Variants in NUP155 observed in about 807,000 individuals in gnomAD.
NUP155 encodes nucleoporin 155, also known as nuclear pore complex protein Nup155.
In NUP155, 71 loss-of-function variants were observed where a neutral mutation model predicts 180.4. The observed-to-expected ratio is 0.39, with a 90% CI of 0.33 to 0.48. NUP155 has a LOEUF of 0.48. Among genes scored for constraint, NUP155 ranks in the 20% least tolerant of loss-of-function variants. NUP155 has a pLI of 0.91. For synonymous variants in NUP155, 582 were observed against 559.5 expected (o/e 1.04, Z -0.57); for missense variants, 1,553 against 1,648.9 (o/e 0.94, Z 1.01).
In NUP155 at chr5:37,292,982, G is replaced by A; in HGVS notation, c.3934C>T (p.Pro1312Ser). ...GGCTTCTTCATTCTGTTCCAGAATG[G>A]ATCCTATGAAGAAATATACATAATG... ...VYDQLFKSRD[P>S]FWNRMKKPLH... is the part of the protein sequence containing the mutation. Residue 1312 changes from proline (P) to serine (S), a missense_variant, in exon 34 of 35, where the codon CCA becomes TCA. Pro to Ser is a moderately conservative substitution (Grantham distance 74). Coordinates refer to ENST00000231498, the MANE Select transcript of NUP155 (RefSeq NM_153485.3). 1 of 1,578,806 alleles carries A rather than the reference G, an allele frequency of 6.3e-7. No homozygotes were observed. The highest frequency in any genetic ancestry group is 1.3e-5 in the African/African-American group (1 of 74,366).
intron 32 of NUP155, among the ~76,000 whole-genome samples, chr5:37,297,486 C>T (rs1742649593): frequency 6.6e-6 from 1 of 152,054 alleles, no homozygotes; most frequent in South Asian, 2.1e-4. Context: ...TCAAGTGATC[C>T]TCCCACCATA....
chr5:37,371,023 G>A lies in NUP155; in HGVS notation c.-46C>T, dbSNP rs773663680. ...GGGTCCAGAAAAAGTCAAAAACCAA[G>A]GAGAAACAAGAAAAGATCCAAGAAG... On this transcript the variant is annotated 5_prime_UTR_variant, in exon 1 of 35. Transcript: ENST00000231498. 2.8e-5 allele frequency: 44 copies of A among 1,596,838 alleles called. No individual in the cohort carries two copies. Among genetic ancestry groups the A allele is most frequent in the Middle Eastern group, 1.7e-4 (1 of 6,036 alleles).
intron 32 of NUP155, among the ~76,000 whole-genome samples, chr5:37,297,360 G>GAATTTTTTATGTACAATAA (rs1228574317): frequency 2.6e-5 from 4 of 151,844 alleles, no homozygotes; most frequent in African/African-American, 9.7e-5. Flanking sequence ...TCCTTAAAAA[G>GAATTTTTTATGTACAATAA]AACTATGTAC....
At chr5:37,296,808 A>T (rs1581127847) in intron 32 of NUP155, among the ~76,000 whole-genome samples, 1 of 152,146 alleles carries the variant, frequency 6.6e-6, no homozygotes, top group East Asian at 1.9e-4. Context: ...CCACCCCTAG[A>T]TTTATTTGAC....
chr5:37,367,054 T>C (rs1301152854), intron 1 of NUP155, among the ~76,000 whole-genome samples: 1 of 151,718 alleles, frequency 6.6e-6, no homozygotes, highest in Non-Finnish European at 1.5e-5. Flanking sequence ...TCTCTTTTTT[T>C]TTTTTTCCTG....
intron 33 of NUP155, among the ~76,000 whole-genome samples, chr5:37,293,717 T>TAATGTAATGAGTTTA (rs1554123680): frequency 3.2e-5 from 4 of 126,690 alleles, no homozygotes; most frequent in South Asian, 2.2e-4. Context: ...TGATGATTCT[T>TAATGTAATGAGTTTA]GGCCGGGCGC....
intron 24 of NUP155, among the ~76,000 whole-genome samples, chr5:37,308,266 A>C (rs1260080541): frequency 2.0e-5 from 3 of 152,168 alleles, no homozygotes; most frequent in African/African-American, 4.8e-5. Flanking sequence ...AAAGTTATAC[A>C]TTTCGGCTGG....
At chr5:37,306,135 A>C (rs1402103833) in intron 25 of NUP155, among the ~76,000 whole-genome samples, 1 of 152,118 alleles carries the variant, frequency 6.6e-6, no homozygotes, top group Non-Finnish European at 1.5e-5. Context: ...TGACACCTCT[A>C]ATCTCAGCAC....
At position 37,288,979 on chromosome 5, in the gene NUP155, A is replaced by G; in HGVS notation, c.*2921T>C. On this transcript the variant is annotated 3_prime_UTR_variant, in exon 35 of 35. Transcript: ENST00000231498. ...TCAGCTACTCGGGAGGCTGAGGCAG[A>G]AGAATTGCTTGAACCCAGGAAGTGG... The G allele has an allele frequency of 6.5e-6, 1 of 153,046 alleles. No homozygotes were observed. Among genetic ancestry groups the G allele is most frequent in the Non-Finnish European group, 1.5e-5 (1 of 68,656 alleles). 9.5% of individuals were successfully genotyped at this position (153,046 alleles called of 1,614,324 possible).
chr5:37,335,071 C>G (rs1745234335), intron 12 of NUP155, among the ~76,000 whole-genome samples: 1 of 150,812 alleles, frequency 6.6e-6, no homozygotes, highest in African/African-American at 2.4e-5. Context: ...GGCAGGAGAA[C>G]TGCTTGAGCC....
chr5:37,295,845 G>A (rs1253210195), intron 32 of NUP155, among the ~76,000 whole-genome samples: 5 of 150,844 alleles, frequency 3.3e-5, no homozygotes, highest in Non-Finnish European at 7.4e-5. Context: ...GAGCCCCTCC[G>A]CCCGGCAGCC....
At chr5:37,323,358 C>T (rs970085329) in intron 20 of NUP155, among the ~76,000 whole-genome samples, 2 of 152,056 alleles carry the variant, frequency 1.3e-5, no homozygotes, top group Non-Finnish European at 2.9e-5. Context: ...GCTGAAACAA[C>T]CCAAATATCT....
intron 1 of NUP155, among the ~76,000 whole-genome samples, chr5:37,368,640 T>G (rs1747761597): frequency 6.6e-6 from 1 of 152,034 alleles, no homozygotes; most frequent in East Asian, 1.9e-4. Context: ...GCCAACACGG[T>G]GAAACCCTGT....
At chr5:37,321,447 G>A (rs955299296) in intron 20 of NUP155, among the ~76,000 whole-genome samples, 10 of 151,850 alleles carry the variant, frequency 6.6e-5, no homozygotes, top group African/African-American at 1.9e-4. Context: ...GGCCAGGCGC[G>A]GTGGCTCACC....
intron 30 of NUP155, 46 bp downstream of exon 30, chr5:37,301,391 C>T (rs993176892): frequency 7.7e-7 from 1 of 1,300,102 alleles, no homozygotes; most frequent in Non-Finnish European, 1.1e-6. Flanking sequence ...AAAAATTTCT[C>T]ATTATTAGGT....
chr5:37,342,503 C>A, intron 10 of NUP155, 46 bp downstream of exon 10: 1 of 1,183,346 alleles, frequency 8.5e-7, no homozygotes, highest in South Asian at 1.3e-5. Context: ...TAAGAATTTT[C>A]AGAAGTTGTA....
intron 32 of NUP155, among the ~76,000 whole-genome samples, chr5:37,297,407 C>A (rs1369012727): frequency 6.6e-6 from 1 of 152,162 alleles, no homozygotes; most frequent in Non-Finnish European, 1.5e-5. Flanking sequence ...GAAATGGGGT[C>A]TCACTGTGTC....
At chr5:37,359,384 G>C (rs894579040) in intron 3 of NUP155, among the ~76,000 whole-genome samples, 8 of 151,968 alleles carry the variant, frequency 5.3e-5, no homozygotes, top group South Asian at 4.2e-4. Flanking sequence ...GCAATCTACT[G>C]CTGGGGCAGG....
chr5:37,354,007 A>T (rs1262313803), intron 4 of NUP155, among the ~76,000 whole-genome samples: 1 of 152,224 alleles, frequency 6.6e-6, no homozygotes, highest in Non-Finnish European at 1.5e-5. Flanking sequence ...AATGCAAATA[A>T]AAGCTAGACA....
Sources: gnomAD v4.1 joint callset for allele counts (sites outside exome capture counted in the v4.1 genomes callset) on GRCh38, gnomAD v4.1.1 for gene constraint, MANE v1.5 for transcripts, NCBI Gene and HGNC (gene_info 2026-07-23, HGNC 2026-07-21) for gene names.